The following TMTC4 variants were observed in gnomAD, a reference collection of about 807,000 sequenced individuals.
TMTC4 encodes the protein protein O-mannosyl-transferase TMTC4.
Under a neutral mutation model 86.0 loss-of-function variants are expected in TMTC4, and 65 were observed. The ratio of observed to expected loss-of-function variants is 0.76; its 90% CI spans 0.62 to 0.93. The LOEUF is 0.93. TMTC4 is among the 40% of genes least tolerant of loss of function. The pLI is 0.00. For missense variants in TMTC4, 866 were observed against 948.1 expected, an observed-to-expected ratio of 0.91 and a Z score of 1.14; for synonymous variants, 379 against 382.5, an observed-to-expected ratio of 0.99 and a Z score of 0.11.
intron 15 of TMTC4, among the ~76,000 whole-genome samples, chr13:100,624,709 T>G (rs910702969): frequency 6.6e-6 from 1 of 152,244 alleles, no homozygotes; most frequent in Admixed American, 6.5e-5. Context: ...TCTGGAAATC[T>G]ACATATAAAC....
chr13:100,674,866 G>A (rs1407645155), upstream of TMTC4: 31 of 968,802 alleles, frequency 3.2e-5, no homozygotes, highest in Non-Finnish European at 3.7e-5. Context: ...CCCCCCCCGC[G>A]CCGCGCCTCC....
chr13:100,614,885 G>C, intron 15 of TMTC4: 1 of 983,020 alleles, frequency 1.0e-6, no homozygotes, highest in Non-Finnish European at 1.2e-6. Flanking sequence ...TTAGAATAGT[G>C]AACAAAGTAT....
chr13:100,648,560 T>G (rs1055240586), intron 6 of TMTC4, among the ~76,000 whole-genome samples: 2 of 152,252 alleles, frequency 1.3e-5, no homozygotes, highest in African/African-American at 4.8e-5. Flanking sequence ...TGACATAATG[T>G]GCACATTGCT....
Position 100,634,804 on chromosome 13 carries a change from C to G in TMTC4, c.1506+1G>C. On this transcript the variant is annotated splice_donor_variant, in intron 12 of 18. Transcript: ENST00000342624. LOFTEE classifies it high-confidence loss of function. The stretch of plus-strand genomic sequence containing the variant: ...TTAAAAGAAATCTGGCAGCTAGGTA[C>G]CTTAGCATTGAGGGGACACACAGAC... The G allele has an allele frequency of 6.2e-7, 1 of 1,613,266 alleles. No individual in the cohort carries two copies. The highest frequency in any genetic ancestry group is 8.5e-7 in the Non-Finnish European group (1 of 1,179,702).
intron 15 of TMTC4, among the ~76,000 whole-genome samples, chr13:100,622,554 G>A (rs1411687435): frequency 2.6e-5 from 4 of 152,096 alleles, no homozygotes; most frequent in African/African-American, 9.7e-5. Flanking sequence ...GTTTTATAAG[G>A]GGAAACCTCT....
At chr13:100,620,434 G>T (rs1475681227) in intron 15 of TMTC4, among the ~76,000 whole-genome samples, 2 of 152,172 alleles carry the variant, frequency 1.3e-5, no homozygotes, top group Non-Finnish European at 2.9e-5. Context: ...GTAACCTCTT[G>T]TGAGTTTTTA....
At chr13:100,631,169 AAC>A (rs1314799899) in intron 12 of TMTC4, among the ~76,000 whole-genome samples, 1 of 152,250 alleles carries the variant, frequency 6.6e-6, no homozygotes, top group Non-Finnish European at 1.5e-5. Flanking sequence ...TGAGGCAATG[AAC>A]TAGCACAGAA....
At chr13:100,606,587 C>G (rs1324748386) in intron 17 of TMTC4, among the ~76,000 whole-genome samples, 160 bp from the exon 18 acceptor site, 1 of 152,206 alleles carries the variant, frequency 6.6e-6, no homozygotes, top group Non-Finnish European at 1.5e-5. Context: ...CCACGCTCTG[C>G]CAAAGAGAGG....
intron 1 of TMTC4, among the ~76,000 whole-genome samples, chr13:100,673,491 G>C (rs1566656960): frequency 6.6e-6 from 1 of 152,228 alleles, no homozygotes; most frequent in Non-Finnish European, 1.5e-5. Context: ...AATCAGATTA[G>C]AGAACACAAT....
intron 15 of TMTC4, among the ~76,000 whole-genome samples, chr13:100,617,646 G>A (rs1878725731): frequency 6.6e-6 from 1 of 152,152 alleles, no homozygotes; most frequent in Non-Finnish European, 1.5e-5. Context: ...CATGGCTGTA[G>A]ATGTGTGGCT....
intron 12 of TMTC4, among the ~76,000 whole-genome samples, chr13:100,631,184 C>T (rs1881307044): frequency 6.6e-6 from 1 of 152,062 alleles, no homozygotes; most frequent in Non-Finnish European, 1.5e-5. Context: ...GCACAGAAGT[C>T]GAAGATAAAA....
At chr13:100,611,259 T>TAG (rs550104719) in intron 17 of TMTC4, among the ~76,000 whole-genome samples, 141 of 152,366 alleles carry the variant, frequency 9.3e-4, no homozygotes, top group Non-Finnish European at 1.6e-3. Flanking sequence ...GCTTCTGTGA[T>TAG]ATCTGTGTTT....
chr13:100,646,025 TA>T, intron 6 of TMTC4, among the ~76,000 whole-genome samples: 1 of 152,228 alleles, frequency 6.6e-6, no homozygotes, highest in East Asian at 1.9e-4. Context: ...ACCATTGCCC[TA>T]AACCAGTGCC....
chr13:100,651,576 G>A (rs1884452194), intron 6 of TMTC4, among the ~76,000 whole-genome samples: 1 of 148,816 alleles, frequency 6.7e-6, no homozygotes, highest in Admixed American at 6.7e-5. Context: ...GAAAATACTA[G>A]GATTCCAGAG....
chr13:100,635,261 CA>C, intron 10 of TMTC4, 66 bp from the exon 11 acceptor site: 1 of 1,425,292 alleles, frequency 7.0e-7, no homozygotes. Flanking sequence ...CATCCTACTC[CA>C]CATTAAATTA....
At chr13:100,615,122 T>C (rs1467718874) in intron 15 of TMTC4, among the ~76,000 whole-genome samples, 2 of 152,048 alleles carry the variant, frequency 1.3e-5, no homozygotes, top group Non-Finnish European at 2.9e-5. Flanking sequence ...TTTTTATAAT[T>C]TAAACTTTTA....
rs1487391820 is a variant in TMTC4, at chr13:100,657,302, T to C, written c.553-834A>G. 1.3e-5 allele frequency among the ~76,000 whole-genome samples: 2 copies of C among 152,224 alleles called. 1 individual carries two copies. Among genetic ancestry groups the C allele is most frequent in the Non-Finnish European group, 2.9e-5 (2 of 68,040 alleles). ...TAATCCTTCAAAGCTGCCTCTGCTCTTTTTTCTTCCCTTCAGACCAAACTG... is the reference window on the plus strand; with the variant it reads ...TAATCCTTCAAAGCTGCCTCTGCTCCTTTTTCTTCCCTTCAGACCAAACTG... On this transcript the variant is annotated intron_variant, in intron 5 of 18. Coordinates refer to ENST00000342624, the MANE Select transcript of TMTC4 (RefSeq NM_032813.5).
At chr13:100,645,091 C>T (rs768756586) in intron 6 of TMTC4, among the ~76,000 whole-genome samples, 8 of 152,188 alleles carry the variant, frequency 5.3e-5, no homozygotes, top group South Asian at 4.1e-4. Context: ...GGATTACAGG[C>T]GTGAGCCACT....
chr13:100,632,082 CTCTCTCTCTCTG>C (rs1881525784), intron 12 of TMTC4, among the ~76,000 whole-genome samples: 1 of 148,608 alleles, frequency 6.7e-6, no homozygotes, highest in South Asian at 2.1e-4. Context: ...CTCTCTCTCT[CTCTCTCTCTCTG>C]TCTTTCTCCT....
Sources: allele counts gnomAD v4.1 joint callset (sites outside exome capture counted in the v4.1 genomes callset), GRCh38; gene constraint gnomAD v4.1.1; transcripts MANE v1.5; gene names NCBI Gene and HGNC (gene_info 2026-07-23, HGNC 2026-07-21).